The following ETS1 variants were observed in gnomAD, a reference collection of about 807,000 sequenced individuals.
The protein encoded by ETS1 is protein C-ets-1.
ETS1 carries 15 observed loss-of-function variants against 58.6 expected under a neutral mutation model. The observed-to-expected ratio is 0.26, with a 90% CI of 0.17 to 0.39. The LOEUF (loss-of-function observed/expected upper bound fraction) is 0.39. ETS1 is among the 10% of genes least tolerant of loss of function. ETS1 has a pLI of 1.00. For missense variants in ETS1, 417 were observed against 610.5 expected (o/e 0.68, Z 3.34); for synonymous variants, 214 against 218.2 (o/e 0.98, Z 0.17).
chr11:128,489,253 A>C, intron 5 of ETS1, 37 bp downstream of exon 5: 2 of 1,591,156 alleles, frequency 1.3e-6, no homozygotes, highest in Non-Finnish European at 1.7e-6. Flanking sequence ...CAGCAACCCC[A>C]CATAACCTCC....
intron 3 of ETS1, among the ~76,000 whole-genome samples, chr11:128,511,035 G>A (rs567880410): frequency 5.9e-5 from 9 of 152,280 alleles, no homozygotes; most frequent in African/African-American, 1.9e-4. Flanking sequence ...GAAACTAGCA[G>A]GGTGAAAAAA....
intron 3 of ETS1, among the ~76,000 whole-genome samples, chr11:128,525,582 C>T (rs1008467457): frequency 7.8e-6 from 1 of 128,202 alleles, no homozygotes; most frequent in Non-Finnish European, 1.6e-5. Context: ...GTTTATGACT[C>T]ACAGATGTTG....
chr11:128,508,473 T>C (rs934966981), intron 3 of ETS1, among the ~76,000 whole-genome samples: 2 of 152,202 alleles, frequency 1.3e-5, no homozygotes, highest in African/African-American at 4.8e-5. Flanking sequence ...ACTCTGCTCT[T>C]TCAAGACATG....
intron 3 of ETS1, among the ~76,000 whole-genome samples, chr11:128,548,719 C>T (rs1395635982): frequency 1.3e-5 from 2 of 152,386 alleles, no homozygotes; most frequent in African/African-American, 4.8e-5. Context: ...TCTCCTCCCT[C>T]CTCTCCTGGG....
rs1565421526 is a variant in ETS1, at chr11:128,585,102, AGGAAGGAAGGAAG to A, written c.-15+2373_-15+2385del. 7.8e-3 allele frequency among the ~76,000 whole-genome samples: 184 copies of A among 23,558 alleles called. 29 individuals carry two copies. Among genetic ancestry groups the A allele is most frequent in the African/African-American group, 0.014 (34 of 2,470 alleles). The allele number at this position is 23,558 out of a possible 152,430, so 15.5% of individuals were successfully genotyped here. A position where few individuals can be genotyped will look rare whatever the true frequency, so the allele number is the denominator to read the frequency against. On this transcript the variant is annotated intron_variant, in intron 1 of 9. Transcript: ENST00000392668. ...AGAAAGAAAGAAAGGAAAGAAAGAA[AGGAAGGAAGGAAG>A]GAAAGAAAGAAGAAAGAAAGAAAAG...
chr11:128,474,457 G>T (rs987241860), intron 8 of ETS1, among the ~76,000 whole-genome samples: 1 of 152,164 alleles, frequency 6.6e-6, no homozygotes, highest in Non-Finnish European at 1.5e-5. Context: ...GGTAGCAGAT[G>T]ATTAAGAAAA....
At chr11:128,562,545 C>A (rs1864420343) in intron 2 of ETS1, among the ~76,000 whole-genome samples, 1 of 152,220 alleles carries the variant, frequency 6.6e-6, no homozygotes, top group Admixed American at 6.5e-5. Context: ...AACAGCATGG[C>A]TCTCCCTGTC....
chr11:128,490,011 G>C (rs978243674), intron 4 of ETS1, among the ~76,000 whole-genome samples: 2 of 152,166 alleles, frequency 1.3e-5, no homozygotes, highest in Non-Finnish European at 2.9e-5. Context: ...AACATTATTA[G>C]GTGCCTGTAT....
chr11:128,583,127 G>A (rs766794004), intron 1 of ETS1, among the ~76,000 whole-genome samples: 1 of 152,194 alleles, frequency 6.6e-6, no homozygotes, highest in South Asian at 2.1e-4. Flanking sequence ...TGGTGCTGAT[G>A]CCGCAGGTCA....
At chr11:128,502,651 G>A (rs924672690) in intron 3 of ETS1, among the ~76,000 whole-genome samples, 1 of 152,230 alleles carries the variant, frequency 6.6e-6, no homozygotes, top group East Asian at 1.9e-4. Flanking sequence ...CTTTTTGATG[G>A]TATCTCTATT....
intron 1 of ETS1, among the ~76,000 whole-genome samples, chr11:128,585,246 A>AAAG (rs1865005495): frequency 7.1e-6 from 1 of 141,042 alleles, no homozygotes; most frequent in Non-Finnish European, 1.6e-5. Context: ...AAGAAAGAAA[A>AAAG]AGAAAGGAGG....
rs10542616 is a variant in ETS1 at position 128,544,340 on chromosome 11, AATATATATAT to A, written c.214+11941_214+11950del. ...ATGAAAAAGTGATTAATTGTTTACT[AATATATATAT>A]ATATATATATATATATATGGAATTT... On this transcript the variant is annotated intron_variant, in intron 3 of 9. Transcript: ENST00000392668. 3.1e-4 allele frequency among the ~76,000 whole-genome samples: 36 copies of A among 117,064 alleles called. No homozygotes were observed. The East Asian group carries it at 4.8e-3, about 16-fold the overall frequency. The allele number at this position is 117,064 out of a possible 152,430, so 76.8% of individuals were successfully genotyped here.
At chr11:128,573,206 A>C in intron 1 of ETS1, 62 bp from the exon 2 acceptor site, 1 of 1,148,938 alleles carries the variant, frequency 8.7e-7, no homozygotes, top group Non-Finnish European at 1.3e-6. Context: ...ATTAGAATAC[A>C]CAAGGAAGAC....
chr11:128,535,816 T>C (rs1863965141), intron 3 of ETS1, among the ~76,000 whole-genome samples: 1 of 152,198 alleles, frequency 6.6e-6, no homozygotes, highest in Non-Finnish European at 1.5e-5. Flanking sequence ...ACCTTCCAGA[T>C]AGAAAGAGAA....
intron 1 of ETS1, among the ~76,000 whole-genome samples, chr11:128,574,138 T>G (rs531375119): frequency 5.5e-4 from 84 of 152,048 alleles, no homozygotes; most frequent in African/African-American, 1.9e-3. Context: ...GAAATGTATT[T>G]AAATGTTTAA....
At chr11:128,475,905 A>G (rs1436637684) in intron 8 of ETS1, among the ~76,000 whole-genome samples, 1 of 107,082 alleles carries the variant, frequency 9.3e-6, no homozygotes, top group African/African-American at 4.0e-5. Context: ...TGTGTGTGTG[A>G]TGTCTCACAC....
intron 2 of ETS1, among the ~76,000 whole-genome samples, chr11:128,556,728 C>A (rs542583691): frequency 4.5e-4 from 68 of 152,214 alleles, no homozygotes; most frequent in African/African-American, 1.5e-3. Flanking sequence ...ACAGCAGGGC[C>A]GAATGCTGAC....
chr11:128,514,737 T>C (rs1027735689), intron 3 of ETS1, among the ~76,000 whole-genome samples: 1 of 152,128 alleles, frequency 6.6e-6, no homozygotes, highest in African/African-American at 2.4e-5. Context: ...CATCTACCCA[T>C]GAGGGATTTA....
At chr11:128,572,634 T>G (rs1864659683) in intron 2 of ETS1, among the ~76,000 whole-genome samples, 1 of 152,250 alleles carries the variant, frequency 6.6e-6, no homozygotes, top group Non-Finnish European at 1.5e-5. Flanking sequence ...ATTGTCATAT[T>G]CCATTTTCAC....
Sources: gnomAD v4.1 joint callset for allele counts (sites outside exome capture counted in the v4.1 genomes callset) on GRCh38, gnomAD v4.1.1 for gene constraint, MANE v1.5 for transcripts, NCBI Gene and HGNC (gene_info 2026-07-23, HGNC 2026-07-21) for gene names.